GALNT17: variants seen among roughly 807,000 people sequenced by gnomAD.
GALNT17 encodes the protein UDP-GalNAc:polypeptide N-acetylgalactosaminyltransferase-like 3.
In GALNT17, 29 loss-of-function variants were observed where a neutral mutation model predicts 63.7. The ratio of observed to expected loss-of-function variants is 0.46; its 90% CI spans 0.34 to 0.62. The LOEUF is 0.62. GALNT17 is among the 20% of genes least tolerant of loss of function. The pLI is 0.01. For missense variants in GALNT17, 603 were observed against 799.6 expected, an observed-to-expected ratio of 0.75 and a Z score of 2.97; for synonymous variants, 305 against 318.3, an observed-to-expected ratio of 0.96 and a Z score of 0.45.
chr7:71,694,248 C>A (rs918711931), intron 9 of GALNT17, among the ~76,000 whole-genome samples: 1 of 151,972 alleles, frequency 6.6e-6, no homozygotes, highest in Admixed American at 6.6e-5. Flanking sequence ...GTCCCTCCCA[C>A]AAAACATTAG....
intron 9 of GALNT17, among the ~76,000 whole-genome samples, chr7:71,696,621 A>G (rs1791549729): frequency 6.6e-6 from 1 of 152,094 alleles, no homozygotes; most frequent in Non-Finnish European, 1.5e-5. Context: ...GTTTTCCTTC[A>G]AGGCTGTTAA....
intron 5 of GALNT17, among the ~76,000 whole-genome samples, chr7:71,530,674 T>C (rs369440516): frequency 6.6e-6 from 1 of 152,008 alleles, no homozygotes; most frequent in East Asian, 1.9e-4. Flanking sequence ...TTCACACCAT[T>C]CTCCTGCCTC....
At chr7:71,306,196 G>A (rs1791291816) in intron 1 of GALNT17, among the ~76,000 whole-genome samples, 1 of 152,086 alleles carries the variant, frequency 6.6e-6, no homozygotes, top group Non-Finnish European at 1.5e-5. Flanking sequence ...CTCCAGCATG[G>A]GTGACAGAGT....
intron 3 of GALNT17, among the ~76,000 whole-genome samples, chr7:71,400,235 G>A (rs1291865743): frequency 1.3e-5 from 2 of 151,982 alleles, no homozygotes; most frequent in African/African-American, 2.4e-5. Flanking sequence ...TCCCTTATGA[G>A]TGAGAACATG....
intron 5 of GALNT17, among the ~76,000 whole-genome samples, chr7:71,482,636 AC>A (rs1450172625): frequency 2.0e-5 from 3 of 152,166 alleles, no homozygotes; most frequent in Admixed American, 6.5e-5. Context: ...GGCAATTGTA[AC>A]ACAATGCTAA....
At chr7:71,490,385 C>T (rs1031851097) in intron 5 of GALNT17, among the ~76,000 whole-genome samples, 7 of 152,120 alleles carry the variant, frequency 4.6e-5, no homozygotes, top group African/African-American at 1.2e-4. Flanking sequence ...CAGGGTCATT[C>T]TTAGGGTATG....
intron 3 of GALNT17, among the ~76,000 whole-genome samples, chr7:71,412,273 C>T (rs73362094): frequency 0.046 from 6,932 of 152,248 alleles, 562 homozygotes; most frequent in African/African-American, 0.16. Flanking sequence ...CACTAGCCCT[C>T]CTTCCTGCCT....
chr7:71,491,914 T>C (rs933426934), intron 5 of GALNT17, among the ~76,000 whole-genome samples: 1 of 151,968 alleles, frequency 6.6e-6, no homozygotes. Context: ...CCCAGCACTT[T>C]GGAGGCCAAG....
intron 1 of GALNT17, among the ~76,000 whole-genome samples, chr7:71,203,297 C>T (rs538278507): frequency 2.6e-5 from 4 of 152,298 alleles, no homozygotes; most frequent in African/African-American, 9.6e-5. Flanking sequence ...TTCTCCACAT[C>T]CAACACTTAT....
chr7:71,421,814 G>C (rs1020382888), intron 5 of GALNT17, among the ~76,000 whole-genome samples: 1 of 152,134 alleles, frequency 6.6e-6, no homozygotes, highest in South Asian at 2.1e-4. Context: ...GATGGGCGTG[G>C]TGGCAGGTGC....
At chr7:71,535,425 T>G (rs1788788132) in intron 5 of GALNT17, among the ~76,000 whole-genome samples, 1 of 152,202 alleles carries the variant, frequency 6.6e-6, no homozygotes, top group East Asian at 1.9e-4. Context: ...TGTTCCATGA[T>G]GTGACCCAGG....
At chr7:71,420,404 G>C (rs1468537454) in intron 4 of GALNT17, among the ~76,000 whole-genome samples, 4 of 151,390 alleles carry the variant, frequency 2.6e-5, no homozygotes, top group African/African-American at 4.9e-5. Flanking sequence ...CACACACACA[G>C]AGAAGCTAGT....
intron 8 of GALNT17, 59 bp from the exon 9 acceptor site, chr7:71,677,152 C>T: frequency 3.2e-6 from 5 of 1,558,842 alleles, no homozygotes; most frequent in East Asian, 4.5e-5. Flanking sequence ...AACAGTGACT[C>T]GGCATCCACA....
intron 5 of GALNT17, among the ~76,000 whole-genome samples, chr7:71,514,339 A>G (rs1204091756): frequency 6.6e-6 from 1 of 152,128 alleles, no homozygotes; most frequent in Non-Finnish European, 1.5e-5. Flanking sequence ...GACGCTAGCC[A>G]GGTGAAAGGT....
At chr7:71,221,908 AT>A (rs370780821) in intron 1 of GALNT17, among the ~76,000 whole-genome samples, 3,089 of 114,640 alleles carry the variant, frequency 0.027, 50 homozygotes, top group African/African-American at 0.057. Flanking sequence ...CCTTATTTAG[AT>A]TTTTTTTTTT....
chr7:71,204,040 A>G (rs1377596962), intron 1 of GALNT17, among the ~76,000 whole-genome samples: 2 of 140,910 alleles, frequency 1.4e-5, no homozygotes, highest in Admixed American at 6.9e-5. Flanking sequence ...AGTTCCAGGT[A>G]TTCTGTTCAA....
Position 71,571,278 on chromosome 7 carries a change from C to A in GALNT17, c.963-7C>A, listed in dbSNP as rs1270426007. On this transcript the variant is annotated splice_region_variant and splice_polypyrimidine_tract_variant and intron_variant, in intron 5 of 10. Transcript: ENST00000333538. ...CAATGAGCTTCCCTTCTTTCTCCCT[C>A]CCTCAGGACCCCAGCCATGATAGGC... 1 of 1,613,660 alleles carries A rather than the reference C, an allele frequency of 6.2e-7. No individual in the cohort carries two copies. Among genetic ancestry groups the A allele is most frequent in the Non-Finnish European group, 8.5e-7 (1 of 1,179,608 alleles).
chr7:71,655,427 G>C (rs1790815251), intron 6 of GALNT17, among the ~76,000 whole-genome samples: 1 of 152,098 alleles, frequency 6.6e-6, no homozygotes, highest in African/African-American at 2.4e-5. Flanking sequence ...GGAATTCCTG[G>C]CAGTCTCCAG....
intron 5 of GALNT17, among the ~76,000 whole-genome samples, chr7:71,539,977 A>G (rs1179749268): frequency 6.7e-6 from 1 of 148,534 alleles, no homozygotes; most frequent in East Asian, 2.1e-4. Flanking sequence ...TTTTCTTTGT[A>G]GAGACAAGAT....
Sources: gnomAD v4.1 joint callset for allele counts (sites outside exome capture counted in the v4.1 genomes callset) on GRCh38, gnomAD v4.1.1 for gene constraint, MANE v1.5 for transcripts, NCBI Gene and HGNC (gene_info 2026-07-23, HGNC 2026-07-21) for gene names.